Variants in TSHZ1 observed in about 807,000 individuals in gnomAD.
TSHZ1 encodes the protein teashirt homolog 1.
A neutral mutation model predicts 67.1 loss-of-function variants in TSHZ1; 12 were observed. The ratio of observed to expected loss-of-function variants is 0.18; its 90% CI spans 0.11 to 0.29. The LOEUF (loss-of-function observed/expected upper bound fraction) is 0.29, where lower values mean the gene tolerates loss of function less well. Ranked by LOEUF, TSHZ1 falls within the 10% of genes least tolerant of loss-of-function variation. TSHZ1 has a pLI of 1.00. For missense variants in TSHZ1, 1,305 were observed against 1,413.9 expected, an observed-to-expected ratio of 0.92 and a Z score of 1.23; for synonymous variants, 632 against 622.4, an observed-to-expected ratio of 1.02 and a Z score of -0.23.
intron 1 of TSHZ1, among the ~76,000 whole-genome samples, chr18:75,271,728 C>A (rs989497811): frequency 1.3e-5 from 2 of 151,836 alleles, no homozygotes; most frequent in Non-Finnish European, 2.9e-5. Flanking sequence ...GCCGCTCCCC[C>A]CTCCCCGCTT....
intron 1 of TSHZ1, among the ~76,000 whole-genome samples, chr18:75,278,460 G>A (rs2023642480): frequency 6.6e-6 from 1 of 152,160 alleles, no homozygotes; most frequent in Admixed American, 6.5e-5. Context: ...CTTCTCCCCA[G>A]GTCCTAAACT....
intron 1 of TSHZ1, chr18:75,285,150 C>G (rs2023734706): frequency 4.0e-6 from 1 of 252,428 alleles, no homozygotes; most frequent in Non-Finnish European, 7.5e-6. Context: ...CAGGTGGTGG[C>G]TGGAGTCCCA....
In TSHZ1 at chr18:75,240,766, C is replaced by T. The variant is rs151303930; in HGVS notation, c.40+28850C>T. Among the ~76,000 whole-genome samples the T allele has an allele frequency of 1.0e-3, 155 of 152,354 alleles. 1 individual carries two copies. Among genetic ancestry groups the T allele is most frequent in the African/African-American group, 3.3e-3 (139 of 41,584 alleles). The stretch of plus-strand genomic sequence containing the variant: ...ACTCCCTGCACGAGGGTTTCCTCTT[C>T]TCCTGTACCATAAGGTACTTCAACA... On this transcript the variant is annotated intron_variant, in intron 1 of 1. Coordinates refer to ENST00000580243, the MANE Select transcript of TSHZ1 (RefSeq NM_001308210.2).
chr18:75,286,210 C>G lies in TSHZ1; in HGVS notation c.803C>G (p.Thr268Arg). The G allele has an allele frequency of 6.2e-7, 1 of 1,614,080 alleles. No individual in the cohort carries two copies. The highest frequency in any genetic ancestry group is 8.5e-7 in the Non-Finnish European group (1 of 1,180,002). Residue 268 changes from threonine to arginine, a missense_variant, in exon 2 of 2, where the codon ACA becomes AGA. Physicochemically the swap from Thr to Arg is moderately conservative, Grantham distance 71. Transcript: ENST00000580243. The surrounding 1 kb of genome is among the most constrained non-coding windows in gnomAD (Gnocchi z 5.1). ...LVELTVHMNETGHYRDDNRDK... is the reference protein window; with the variant it reads ...LVELTVHMNERGHYRDDNRDK... ...GAACTGACGGTGCACATGAACGAGA[C>G]AGGCCACTACCGTGACGACAACAGG...
At chr18:75,261,214 T>G (rs2023426730) in intron 1 of TSHZ1, among the ~76,000 whole-genome samples, 1 of 152,078 alleles carries the variant, frequency 6.6e-6, no homozygotes, top group Non-Finnish European at 1.5e-5. Context: ...GTGGAGGATT[T>G]GGGACAGTAG....
At chr18:75,223,700 G>A (rs562728866) in intron 1 of TSHZ1, among the ~76,000 whole-genome samples, 42 of 151,350 alleles carry the variant, frequency 2.8e-4, no homozygotes, top group African/African-American at 8.0e-4. Flanking sequence ...CTCCTCACTC[G>A]AGTTTGTAGT....
rs138812085 is a variant in TSHZ1, at chr18:75,251,540, G to T, written c.41-33908G>T. ...GCTTGGTCAAGCTTTGGCACCTACT[G>T]CAAACCTGTTTTCAAAATATATCCA... is the stretch of plus-strand genomic sequence containing the variant. On this transcript the variant is annotated intron_variant, in intron 1 of 1. Coordinates refer to ENST00000580243, the MANE Select transcript of TSHZ1 (RefSeq NM_001308210.2). Among the ~76,000 whole-genome samples, 5 of 135,684 alleles carry T rather than the reference G, an allele frequency of 3.7e-5. No homozygotes were observed. In the South Asian group the frequency reaches 9.7e-4, roughly 26 times the overall value. 89.0% of individuals were successfully genotyped at this position (135,684 alleles called of 152,430 possible). A position where few individuals can be genotyped will look rare whatever the true frequency, so the allele number is the denominator to read the frequency against.
chr18:75,220,221 A>G (rs1977001606), intron 1 of TSHZ1, among the ~76,000 whole-genome samples: 1 of 152,216 alleles, frequency 6.6e-6, no homozygotes, highest in South Asian at 2.1e-4. Context: ...AGCAACTCAA[A>G]CAAAATATTA....
At chr18:75,232,369 T>C (rs190810369) in intron 1 of TSHZ1, among the ~76,000 whole-genome samples, 8 of 152,362 alleles carry the variant, frequency 5.3e-5, no homozygotes, top group African/African-American at 1.4e-4. Context: ...TAGTATCTTT[T>C]TACATTTGAT....
intron 1 of TSHZ1, among the ~76,000 whole-genome samples, chr18:75,255,883 A>G (rs1208138218): frequency 1.3e-5 from 2 of 152,244 alleles, no homozygotes; most frequent in African/African-American, 2.4e-5. Flanking sequence ...CTTATGTCCT[A>G]GAAGAATGTC....
intron 1 of TSHZ1, among the ~76,000 whole-genome samples, chr18:75,274,915 C>T (rs1261878692): frequency 6.6e-6 from 1 of 152,186 alleles, no homozygotes; most frequent in Non-Finnish European, 1.5e-5. Context: ...TGTCATGTTA[C>T]CCTCTGTTTG....
chr18:75,234,113 A>G (rs1401210660), intron 1 of TSHZ1, among the ~76,000 whole-genome samples: 1 of 152,162 alleles, frequency 6.6e-6, no homozygotes, highest in African/African-American at 2.4e-5. Context: ...AGAAGCTGAA[A>G]TCTATTCTGC....
At chr18:75,219,987 A>G (rs1215388180) in intron 1 of TSHZ1, among the ~76,000 whole-genome samples, 1 of 152,240 alleles carries the variant, frequency 6.6e-6, no homozygotes, top group Non-Finnish European at 1.5e-5. Context: ...TGCACCCCAC[A>G]CTGAAATAGA....
chr18:75,268,360 C>T (rs998647988), intron 1 of TSHZ1, among the ~76,000 whole-genome samples: 4 of 152,170 alleles, frequency 2.6e-5, no homozygotes, highest in African/African-American at 9.7e-5. Context: ...TTATTTACAG[C>T]CAGAGTGTCG....
rs146187696 is a variant in TSHZ1, at chr18:75,261,640, A to G, written c.41-23808A>G. 2.7e-3 allele frequency among the ~76,000 whole-genome samples: 418 copies of G among 152,342 alleles called. 5 individuals are homozygous for G. Among genetic ancestry groups the G allele is most frequent in the African/African-American group, 9.5e-3 (393 of 41,574 alleles). On this transcript the variant is annotated intron_variant, in intron 1 of 1. Transcript: ENST00000580243. ...TCTGGTTCTATCTTGTTTACAACGTAATTTCTCATTTCATAGTTACATAGT... is the reference window on the plus strand; with the variant it reads ...TCTGGTTCTATCTTGTTTACAACGTGATTTCTCATTTCATAGTTACATAGT...
chr18:75,222,420 C>G (rs1021777056), intron 1 of TSHZ1, among the ~76,000 whole-genome samples: 2 of 152,110 alleles, frequency 1.3e-5, no homozygotes, highest in African/African-American at 4.8e-5. Context: ...CAAAAGCTTT[C>G]AAGGAGAACT....
intron 1 of TSHZ1, chr18:75,280,937 C>T (rs1189466234): frequency 1.9e-6 from 1 of 537,984 alleles, no homozygotes; most frequent in East Asian, 1.5e-4. Context: ...TCACACCAGG[C>T]AGAGAGTCGG....
intron 1 of TSHZ1, among the ~76,000 whole-genome samples, chr18:75,217,470 C>A (rs1170148581): frequency 6.6e-6 from 1 of 151,422 alleles, no homozygotes; most frequent in African/African-American, 2.4e-5. Context: ...GTTTTGGTTT[C>A]TTGTTTGTTT....
intron 1 of TSHZ1, among the ~76,000 whole-genome samples, chr18:75,215,290 C>T (rs557433421): frequency 1.8e-4 from 27 of 152,270 alleles, no homozygotes; most frequent in Admixed American, 1.6e-3. Flanking sequence ...CACACCGGGC[C>T]GTCTCCAGTG....
Sources: allele counts gnomAD v4.1 joint callset (sites outside exome capture counted in the v4.1 genomes callset), GRCh38; gene constraint gnomAD v4.1.1; non-coding constraint Gnocchi (gnomAD v3.1); transcripts MANE v1.5; gene names NCBI Gene and HGNC (gene_info 2026-07-23, HGNC 2026-07-21).